VPS36: variants seen among roughly 807,000 people sequenced by gnomAD.
VPS36 encodes vacuolar protein sorting 36 homolog.
In VPS36, 31 loss-of-function variants were observed where a neutral mutation model predicts 63.5. The ratio of observed to expected loss-of-function variants is 0.49; its 90% CI spans 0.37 to 0.66. The LOEUF is 0.66. Ranked by LOEUF, VPS36 falls within the 30% of genes least tolerant of loss-of-function variation. The pLI is 0.00. For missense variants in VPS36, 338 were observed against 463.7 expected (o/e 0.73, Z 2.49); for synonymous variants, 138 against 157.2 (o/e 0.88, Z 0.91).
At position 52,442,359 on chromosome 13, in the gene VPS36, C is replaced by CA. The variant is rs1325505967; in HGVS notation, c.165+17dup. On this transcript the variant is annotated intron_variant, in intron 2 of 13. Coordinates refer to ENST00000378060, the MANE Select transcript of VPS36 (RefSeq NM_016075.4). ...AACAAAATAAAACCTACAACAGATG[C>CA]AAAAAACTGTATCTTACATGATTTT... 1 of 1,598,508 alleles carries CA rather than the reference C, an allele frequency of 6.3e-7. No homozygotes were observed. Among genetic ancestry groups the CA allele is most frequent in the Non-Finnish European group, 8.5e-7 (1 of 1,174,668 alleles).
chr13:52,418,946 G>A (rs546350480), intron 10 of VPS36, among the ~76,000 whole-genome samples: 1 of 152,322 alleles, frequency 6.6e-6, no homozygotes, highest in East Asian at 1.9e-4. Context: ...TCAAACCACT[G>A]TCTCTGGCTG....
At chr13:52,423,372 C>T (rs1260581196) in intron 10 of VPS36, among the ~76,000 whole-genome samples, 1 of 152,072 alleles carries the variant, frequency 6.6e-6, no homozygotes, top group African/African-American at 2.4e-5. Context: ...GCTAAGTAAG[C>T]TACTGAAGGT....
intron 2 of VPS36, among the ~76,000 whole-genome samples, chr13:52,440,700 T>C (rs183044000): frequency 1.3e-5 from 2 of 152,348 alleles, no homozygotes; most frequent in East Asian, 3.9e-4. Context: ...AATCAAAAAA[T>C]TATACTAAGA....
intron 1 of VPS36, among the ~76,000 whole-genome samples, chr13:52,443,112 G>T (rs1958297484): frequency 6.6e-6 from 1 of 151,760 alleles, no homozygotes; most frequent in Non-Finnish European, 1.5e-5. Context: ...GTAGGAAAAA[G>T]AAAAACCCAC....
chr13:52,440,756 CAA>C (rs1236301428), intron 2 of VPS36, among the ~76,000 whole-genome samples: 1 of 152,090 alleles, frequency 6.6e-6, no homozygotes, highest in Non-Finnish European at 1.5e-5. Context: ...CTATCCTCCC[CAA>C]AAAGATTTAT....
At chr13:52,447,697 T>G (rs1288085220) in intron 1 of VPS36, among the ~76,000 whole-genome samples, 1 of 152,186 alleles carries the variant, frequency 6.6e-6, no homozygotes, top group Non-Finnish European at 1.5e-5. Context: ...CTATCACCTG[T>G]GGGGTCTCAG....
At chr13:52,450,152 G>A in intron 1 of VPS36, 1 of 1,003,386 alleles carries the variant, frequency 1.0e-6, no homozygotes, top group Non-Finnish European at 1.2e-6. Context: ...CTGCCGGATC[G>A]CCGCCCGGCG....
intron 6 of VPS36, among the ~76,000 whole-genome samples, 173 bp downstream of exon 6, chr13:52,433,489 T>A (rs1958181155): frequency 6.6e-6 from 1 of 152,070 alleles, no homozygotes; most frequent in Non-Finnish European, 1.5e-5. Flanking sequence ...TAGAAAAAGG[T>A]TTTGGTTAGA....
rs116718603 is a variant in VPS36 at position 52,439,215 on chromosome 13, A to G, written c.166-47T>C. 6,515 of 1,546,440 alleles carry G rather than the reference A, an allele frequency of 4.2e-3. 56 individuals are homozygous for G. Among genetic ancestry groups the G allele is most frequent in the Middle Eastern group, 0.02 (118 of 5,902 alleles). ...AAATGAAAGACTCTAAACAACATCC[A>G]TAACACTTGTCAGAAATCCTTGTTT... On this transcript the variant is annotated intron_variant, in intron 2 of 13. Transcript: ENST00000378060.
chr13:52,444,243 G>A (rs545502066), intron 1 of VPS36, among the ~76,000 whole-genome samples: 1 of 152,194 alleles, frequency 6.6e-6, no homozygotes, highest in South Asian at 2.1e-4. Context: ...GGATCACGAG[G>A]TCTGGAGATC....
Position 52,437,802 on chromosome 13 carries a change from C to A in VPS36, c.236+1296G>T, listed in dbSNP as rs184440956. Among the ~76,000 whole-genome samples the A allele has an allele frequency of 6.1e-3, 921 of 151,858 alleles. 29 individuals are homozygous for A. Among genetic ancestry groups the A allele is most frequent in the Admixed American group, 0.056 (858 of 15,224 alleles). On this transcript the variant is annotated intron_variant, in intron 3 of 13. Coordinates refer to ENST00000378060, the MANE Select transcript of VPS36 (RefSeq NM_016075.4). ...AAAATTAGCTGGGCATGGTCGTGGG[C>A]GCCTGTAGTCCCAGCTACTCGGGAG...
chr13:52,420,421 C>T (rs1277000973), intron 10 of VPS36, among the ~76,000 whole-genome samples: 1 of 151,782 alleles, frequency 6.6e-6, no homozygotes, highest in African/African-American at 2.4e-5. Context: ...CAATCTCCAC[C>T]TCCCTACTTT....
Position 52,442,369 on chromosome 13 carries a change from T to C in VPS36, c.165+8A>G, listed in dbSNP as rs867545239. The C allele has an allele frequency of 1.2e-6, 2 of 1,602,014 alleles. No homozygotes were observed. Among genetic ancestry groups the C allele is most frequent in the South Asian group, 1.1e-5 (1 of 88,184 alleles). ...AACCTACAACAGATGCAAAAAACTG[T>C]ATCTTACATGATTTTTCTGATCTCT... On this transcript the variant is annotated splice_region_variant and intron_variant, in intron 2 of 13. Coordinates refer to ENST00000378060, the MANE Select transcript of VPS36 (RefSeq NM_016075.4).
intron 1 of VPS36, among the ~76,000 whole-genome samples, chr13:52,444,912 G>A (rs1470777819): frequency 1.3e-5 from 2 of 152,064 alleles, no homozygotes; most frequent in African/African-American, 2.4e-5. Flanking sequence ...GTTAAATCAA[G>A]CACACATAGG....
chr13:52,441,060 G>C (rs1316518801), intron 2 of VPS36, among the ~76,000 whole-genome samples: 3 of 152,110 alleles, frequency 2.0e-5, no homozygotes, highest in Non-Finnish European at 4.4e-5. Context: ...CGGTGGTAAT[G>C]CTTGCTTACC....
intron 10 of VPS36, among the ~76,000 whole-genome samples, chr13:52,423,007 G>C (rs2137778048): frequency 6.6e-6 from 1 of 152,212 alleles, no homozygotes; most frequent in African/African-American, 2.4e-5. Context: ...TTAAAAATAG[G>C]AGTTGCCTGC....
intron 4 of VPS36, 72 bp downstream of exon 4, chr13:52,436,218 A>AACACAC (rs150816705): frequency 0.089 from 56,591 of 633,100 alleles, 547 homozygotes; most frequent in East Asian, 0.15. Flanking sequence ...AACAAGCCAC[A>AACACAC]ACACACACAC....
At chr13:52,419,818 T>C (rs1958028083) in intron 10 of VPS36, among the ~76,000 whole-genome samples, 1 of 152,096 alleles carries the variant, frequency 6.6e-6, no homozygotes, top group Non-Finnish European at 1.5e-5. Context: ...TTCTCACTCA[T>C]TATGTGGGAG....
At chr13:52,450,248 C>T in intron 1 of VPS36, 1 of 1,112,314 alleles carries the variant, frequency 9.0e-7, no homozygotes, top group Non-Finnish European at 1.1e-6. Flanking sequence ...CGGCCGCGAT[C>T]CGCGCCTGCT....
Sources: allele counts gnomAD v4.1 joint callset (sites outside exome capture counted in the v4.1 genomes callset), GRCh38; gene constraint gnomAD v4.1.1; transcripts MANE v1.5; gene names NCBI Gene and HGNC (gene_info 2026-07-23, HGNC 2026-07-21).